INSC: variants seen among roughly 807,000 people sequenced by gnomAD.
INSC encodes the protein protein inscuteable homolog.
In INSC, 67 loss-of-function variants were observed where a neutral mutation model predicts 58.6. That is an observed-to-expected ratio of 1.14 (90% confidence interval 0.94 to 1.40). The LOEUF is 1.40. Among genes scored for constraint, INSC ranks in the 40% most tolerant of loss-of-function variants. The pLI is 0.00. For synonymous variants in INSC, 262 were observed against 276.1 expected, an observed-to-expected ratio of 0.95 and a Z score of 0.51; for missense variants, 714 against 692.0, an observed-to-expected ratio of 1.03 and a Z score of -0.36.
At chr11:15,149,039 CTT>C in intron 1 of INSC, 89 bp from the exon 2 acceptor site, 3 of 1,418,140 alleles carry the variant, frequency 2.1e-6, no homozygotes, top group Non-Finnish European at 2.8e-6. Context: ...TCTTTGTCTG[CTT>C]TGGTTCCTTG....
At chr11:15,126,997 C>G (rs1848012052) in intron 1 of INSC, among the ~76,000 whole-genome samples, 1 of 152,202 alleles carries the variant, frequency 6.6e-6, no homozygotes, top group African/African-American at 2.4e-5. Flanking sequence ...TGACATCTCA[C>G]TGGTGGTCCT....
intron 1 of INSC, among the ~76,000 whole-genome samples, chr11:15,135,967 G>A (rs543399295): frequency 1.2e-4 from 19 of 152,238 alleles, no homozygotes; most frequent in South Asian, 1.2e-3. Context: ...CTCACATGAC[G>A]GAGGTAGAAG....
chr11:15,149,328 TCCCACGC>T, intron 2 of INSC, 98 bp downstream of exon 2: 1 of 1,232,542 alleles, frequency 8.1e-7, no homozygotes, highest in Non-Finnish European at 1.1e-6. Flanking sequence ...GACCCCATCT[TCCCACGC>T]AATTTTCTGG....
upstream of INSC, chr11:15,114,855 G>C (rs1847652754): frequency 2.4e-6 from 2 of 831,296 alleles, no homozygotes; most frequent in Admixed American, 6.5e-5. Context: ...GGGCGGGCGG[G>C]GGAGAACGGG....
intron 1 of INSC, among the ~76,000 whole-genome samples, chr11:15,139,398 A>G (rs1406838725): frequency 6.6e-6 from 1 of 152,258 alleles, no homozygotes; most frequent in Non-Finnish European, 1.5e-5. Context: ...GCTAAGGAAC[A>G]TTTGAGCAGT....
At chr11:15,112,573 T>A (rs1346453715), upstream of INSC, 11 of 1,556,072 alleles carry the variant, frequency 7.1e-6, no homozygotes, top group Non-Finnish European at 9.6e-6. Context: ...GCCGTATGTA[T>A]CTGGGAAGGT....
chr11:15,226,237 G>C (rs961282301), intron 9 of INSC, among the ~76,000 whole-genome samples: 1 of 151,946 alleles, frequency 6.6e-6, no homozygotes, highest in Non-Finnish European at 1.5e-5. Flanking sequence ...TCTGTGTCCT[G>C]GTCATGTTGG....
intron 10 of INSC, 57 bp from the exon 11 acceptor site, chr11:15,238,862 C>T: frequency 6.4e-7 from 1 of 1,565,154 alleles, no homozygotes; most frequent in Non-Finnish European, 8.7e-7. Flanking sequence ...CCAGCTGGCC[C>T]CATGGGGAAG....
At chr11:15,241,107 T>C (rs1320090394) in intron 12 of INSC, among the ~76,000 whole-genome samples, 3 of 152,108 alleles carry the variant, frequency 2.0e-5, no homozygotes, top group Non-Finnish European at 4.4e-5. Context: ...TTGCTAGGGG[T>C]CCACCATGAA....
At chr11:15,182,692 C>G (rs1050140018) in intron 5 of INSC, among the ~76,000 whole-genome samples, 1 of 152,208 alleles carries the variant, frequency 6.6e-6, no homozygotes, top group African/African-American at 2.4e-5. Context: ...CAGTAGTCTT[C>G]AAACCATTTC....
At chr11:15,197,312 C>A (rs981710508) in intron 6 of INSC, among the ~76,000 whole-genome samples, 2 of 152,158 alleles carry the variant, frequency 1.3e-5, no homozygotes, top group Non-Finnish European at 2.9e-5. Flanking sequence ...CTTTCCAGCT[C>A]ATCTTTTCAT....
At chr11:15,253,183 A>C in the INSC span, among the ~76,000 whole-genome samples, 4 of 152,222 alleles carry the variant, frequency 2.6e-5, no homozygotes, top group Non-Finnish European at 5.9e-5. Context: ...AGAAGAAAAT[A>C]AACTTTCTTG....
upstream of INSC, chr11:15,112,477 G>T (rs200115207): frequency 2.5e-6 from 4 of 1,607,700 alleles, no homozygotes; most frequent in Admixed American, 3.4e-5. Flanking sequence ...GCCATGAGAC[G>T]GCCCCCTGGC....
intron 6 of INSC, among the ~76,000 whole-genome samples, chr11:15,191,428 C>T (rs1850173349): frequency 6.6e-6 from 1 of 152,074 alleles, no homozygotes; most frequent in Non-Finnish European, 1.5e-5. Context: ...CACATCCTTC[C>T]CTTCCTGGCA....
chr11:15,112,645 A>ATTG (rs1554899200), upstream of INSC: 1 of 115,790 alleles, frequency 8.6e-6, no homozygotes, highest in African/African-American at 8.2e-5. Context: ...TGTATTGGGA[A>ATTG]GTGGGGGGGG....
intron 10 of INSC, among the ~76,000 whole-genome samples, chr11:15,237,687 A>G (rs1367195416): frequency 6.6e-6 from 1 of 152,184 alleles, no homozygotes; most frequent in African/African-American, 2.4e-5. Flanking sequence ...CCATGGTCTA[A>G]ATAACAGGTT....
intron 7 of INSC, among the ~76,000 whole-genome samples, chr11:15,207,380 A>G (rs1053466270): frequency 6.6e-6 from 1 of 152,202 alleles, no homozygotes; most frequent in Non-Finnish European, 1.5e-5. Context: ...ATGAAAATCA[A>G]TACAGAAATT....
chr11:15,139,849 A>T (rs1430822627), intron 1 of INSC, among the ~76,000 whole-genome samples: 1 of 152,178 alleles, frequency 6.6e-6, no homozygotes, highest in Non-Finnish European at 1.5e-5. Flanking sequence ...AGATCTTGAG[A>T]TCTGGGCACC....
chr11:15,209,676 G>A (rs1307700497), intron 7 of INSC, among the ~76,000 whole-genome samples: 1 of 152,060 alleles, frequency 6.6e-6, no homozygotes, highest in Non-Finnish European at 1.5e-5. Context: ...AATAATGTTT[G>A]CTATGAAACC....
Sources: gnomAD v4.1 joint callset for allele counts (sites outside exome capture counted in the v4.1 genomes callset) on GRCh38, gnomAD v4.1.1 for gene constraint, MANE v1.5 for transcripts, NCBI Gene and HGNC (gene_info 2026-07-23, HGNC 2026-07-21) for gene names.